PDSS2: variants seen among roughly 807,000 people sequenced by gnomAD.
PDSS2 encodes decaprenyl diphosphate synthase subunit 2, also known as all trans-polyprenyl-diphosphate synthase PDSS2.
Under a neutral mutation model 44.5 loss-of-function variants are expected in PDSS2, and 31 were observed. The ratio of observed to expected loss-of-function variants is 0.70; its 90% CI spans 0.52 to 0.94. The LOEUF is 0.94. Among genes scored for constraint, PDSS2 ranks in the 40% least tolerant of loss-of-function variants. The pLI, the probability that PDSS2 is intolerant of heterozygous loss-of-function variation, is 0.00. For synonymous variants in PDSS2, 157 were observed against 180.3 expected (o/e 0.87, Z 1.03); for missense variants, 452 against 482.2 (o/e 0.94, Z 0.59).
rs1442359745 is a variant in PDSS2 at position 107,161,497 on chromosome 6, A to G, written c.1042-6720T>C. 2.0e-5 allele frequency among the ~76,000 whole-genome samples: 3 copies of G among 152,104 alleles called. No homozygotes were observed. The East Asian group carries it at 5.8e-4, about 29-fold the overall frequency. ...TCCGTCTCAGGAAAAAAAAAAAAAAAAAGAAATTTGTACTTTTAAAAAGTG... is the reference window on the plus strand; with the variant it reads ...TCCGTCTCAGGAAAAAAAAAAAAAAGAAGAAATTTGTACTTTTAAAAAGTG... On this transcript the variant is annotated intron_variant, in intron 7 of 7. Coordinates refer to ENST00000369037, the MANE Select transcript of PDSS2 (RefSeq NM_020381.4).
chr6:107,289,147 C>T (rs897934091), intron 2 of PDSS2, among the ~76,000 whole-genome samples: 1 of 150,614 alleles, frequency 6.6e-6, no homozygotes, highest in Non-Finnish European at 1.5e-5. Context: ...CCAAGATGGG[C>T]GTATCACCTG....
At chr6:107,235,469 G>GA (rs1403324250) in intron 4 of PDSS2, among the ~76,000 whole-genome samples, 1 of 152,040 alleles carries the variant, frequency 6.6e-6, no homozygotes, top group Non-Finnish European at 1.5e-5. Flanking sequence ...CTTTAATAGT[G>GA]AAAAAAATTG....
intron 1 of PDSS2, among the ~76,000 whole-genome samples, chr6:107,417,106 C>T (rs550334425): frequency 6.6e-6 from 1 of 151,946 alleles, no homozygotes; most frequent in Non-Finnish European, 1.5e-5. Flanking sequence ...TAAAGAAGCA[C>T]TTACAGCATA....
At chr6:107,442,412 A>G (rs946285210) in intron 1 of PDSS2, among the ~76,000 whole-genome samples, 4 of 151,936 alleles carry the variant, frequency 2.6e-5, no homozygotes, top group African/African-American at 9.7e-5. Flanking sequence ...GCAAGACTCC[A>G]TCTCAAAACA....
chr6:107,414,282 T>C (rs1353451588), intron 1 of PDSS2, among the ~76,000 whole-genome samples: 1 of 152,196 alleles, frequency 6.6e-6, no homozygotes. Flanking sequence ...TAATTATTCC[T>C]AAAATGGAGT....
chr6:107,207,608 C>CTT lies in PDSS2; in HGVS notation c.1008+2829_1008+2830dup, dbSNP rs777686277. Among the ~76,000 whole-genome samples, 409 of 110,404 alleles carry CTT rather than the reference C, an allele frequency of 3.7e-3. 16 individuals carry two copies. The highest frequency in any genetic ancestry group is 0.012 in the East Asian group (41 of 3,478). The allele number at this position is 110,404 out of a possible 152,430, so 72.4% of individuals were successfully genotyped here. Reference sequence around the variant, plus strand: ...GATTAAAATAAACTCAGTAAAGTGTCTTTTTTTTTTTTTTTTTTTGTGAGA... The same window carrying CTT: ...GATTAAAATAAACTCAGTAAAGTGTCTTTTTTTTTTTTTTTTTTTTTGTGAGA... On this transcript the variant is annotated intron_variant, in intron 6 of 7. Coordinates refer to ENST00000369037, the MANE Select transcript of PDSS2 (RefSeq NM_020381.4).
chr6:107,267,042 T>C (rs972663688), intron 3 of PDSS2, among the ~76,000 whole-genome samples: 7 of 152,242 alleles, frequency 4.6e-5, no homozygotes, highest in African/African-American at 1.7e-4. Flanking sequence ...ATGATTATGT[T>C]TGTATACAAT....
intron 1 of PDSS2, among the ~76,000 whole-genome samples, chr6:107,409,359 ATC>A (rs1464068903): frequency 1.3e-5 from 2 of 152,066 alleles, no homozygotes; most frequent in South Asian, 2.1e-4. Flanking sequence ...CCAATCGAAA[ATC>A]TCTGTTTGAA....
At chr6:107,214,165 G>A (rs1773328630) in intron 4 of PDSS2, among the ~76,000 whole-genome samples, 2 of 150,668 alleles carry the variant, frequency 1.3e-5, no homozygotes, top group Non-Finnish European at 2.9e-5. Context: ...GTGCAGTGGC[G>A]CGATCTCGGC....
chr6:107,301,129 A>C (rs1388443092), intron 2 of PDSS2, among the ~76,000 whole-genome samples: 1 of 152,238 alleles, frequency 6.6e-6, no homozygotes, highest in African/African-American at 2.4e-5. Flanking sequence ...GAATGTATGA[A>C]GATAGCTTTT....
chr6:107,442,662 C>T (rs1461512903), intron 1 of PDSS2, among the ~76,000 whole-genome samples: 2 of 151,938 alleles, frequency 1.3e-5, no homozygotes, highest in Admixed American at 6.5e-5. Flanking sequence ...TTCAACAGGT[C>T]TACAAAATTT....
intron 1 of PDSS2, among the ~76,000 whole-genome samples, chr6:107,412,533 C>G (rs1239664002): frequency 6.6e-6 from 1 of 152,186 alleles, no homozygotes; most frequent in Admixed American, 6.5e-5. Context: ...AAACACTGTG[C>G]CCAGCCCTTT....
chr6:107,412,233 C>CTTTTTTT (rs1169549611), intron 1 of PDSS2, among the ~76,000 whole-genome samples: 35 of 73,430 alleles, frequency 4.8e-4, no homozygotes, highest in Non-Finnish European at 5.6e-4. Context: ...GTCCTTTGCT[C>CTTTTTTT]TTTTTTTTTT....
chr6:107,228,719 TAAACAAACAAACAAAC>T lies in PDSS2; in HGVS notation c.703-16453_703-16438del, dbSNP rs71803225. Among the ~76,000 whole-genome samples, 72 of 135,424 alleles carry T rather than the reference TAAACAAACAAACAAAC, an allele frequency of 5.3e-4. 1 individual carries two copies. Among genetic ancestry groups the T allele is most frequent in the South Asian group, 9.9e-4 (4 of 4,040 alleles). The allele number at this position is 135,424 out of a possible 152,430, so 88.8% of individuals were successfully genotyped here. The stretch of plus-strand genomic sequence containing the variant: ...CAAAATAAATAAATAAATAAATAAA[TAAACAAACAAACAAAC>T]AAACAAACAAACAAAACAAATTCCT... On this transcript the variant is annotated intron_variant, in intron 4 of 7. Coordinates refer to ENST00000369037, the MANE Select transcript of PDSS2 (RefSeq NM_020381.4).
intron 1 of PDSS2, among the ~76,000 whole-genome samples, chr6:107,394,851 C>G (rs757979361): frequency 6.6e-6 from 1 of 152,080 alleles, no homozygotes; most frequent in Non-Finnish European, 1.5e-5. Context: ...AAATGAGGAA[C>G]AAGAACTCTG....
chr6:107,358,385 G>T (rs1778655669), intron 1 of PDSS2, among the ~76,000 whole-genome samples: 1 of 152,084 alleles, frequency 6.6e-6, no homozygotes, highest in Non-Finnish European at 1.5e-5. Context: ...ATTAAACAGG[G>T]TAACCTATTT....
intron 1 of PDSS2, among the ~76,000 whole-genome samples, chr6:107,443,410 A>T (rs1459387000): frequency 1.3e-5 from 2 of 152,230 alleles, no homozygotes; most frequent in Non-Finnish European, 1.5e-5. Context: ...TATTTCATTC[A>T]TAGAAGCTTT....
intron 1 of PDSS2, among the ~76,000 whole-genome samples, chr6:107,376,386 A>G (rs1445968319): frequency 6.6e-6 from 1 of 151,900 alleles, no homozygotes; most frequent in Non-Finnish European, 1.5e-5. Flanking sequence ...GATTCTTCCT[A>G]CCCATGAGCA....
At chr6:107,408,603 A>G (rs1780395452) in intron 1 of PDSS2, among the ~76,000 whole-genome samples, 1 of 152,192 alleles carries the variant, frequency 6.6e-6, no homozygotes, top group Admixed American at 6.5e-5. Flanking sequence ...AGGAATATAA[A>G]TGAATGAAGC....
Sources: gnomAD v4.1 joint callset for allele counts (sites outside exome capture counted in the v4.1 genomes callset) on GRCh38, gnomAD v4.1.1 for gene constraint, MANE v1.5 for transcripts, NCBI Gene and HGNC (gene_info 2026-07-23, HGNC 2026-07-21) for gene names.